IL6R: variants seen among roughly 807,000 people sequenced by gnomAD.
The protein encoded by IL6R is interleukin-6 receptor subunit alpha.
IL6R carries 38 observed loss-of-function variants against 48.3 expected under a neutral mutation model. The observed-to-expected ratio is 0.79, with a 90% CI of 0.61 to 1.03. IL6R has a LOEUF of 1.03. IL6R is among the 50% of genes least tolerant of loss of function. The pLI is 0.00. For synonymous variants in IL6R, 264 were observed against 256.2 expected, an observed-to-expected ratio of 1.03 and a Z score of -0.29; for missense variants, 534 against 618.3, an observed-to-expected ratio of 0.86 and a Z score of 1.45.
At chr1:154,413,769 CTTTTTT>C (rs1266706392) in intron 1 of IL6R, among the ~76,000 whole-genome samples, 1 of 111,752 alleles carries the variant, frequency 8.9e-6, no homozygotes, top group African/African-American at 3.4e-5. Flanking sequence ...TCATACATGA[CTTTTTT>C]TTTTTTTTTT....
chr1:154,420,711 T>C (rs2149220181), intron 1 of IL6R, among the ~76,000 whole-genome samples: 1 of 151,766 alleles, frequency 6.6e-6, no homozygotes, highest in Non-Finnish European at 1.5e-5. Flanking sequence ...AATTTTTGTA[T>C]TTTTAATAGA....
At chr1:154,440,078 T>G (rs1689848539) in intron 6 of IL6R, among the ~76,000 whole-genome samples, 1 of 152,170 alleles carries the variant, frequency 6.6e-6, no homozygotes, top group Middle Eastern at 3.2e-3. Context: ...AATTTTTGTA[T>G]TTTTTGTAGA....
At chr1:154,413,879 G>C (rs1209595275) in intron 1 of IL6R, among the ~76,000 whole-genome samples, 1 of 149,734 alleles carries the variant, frequency 6.7e-6, no homozygotes, top group Non-Finnish European at 1.5e-5. Context: ...GTGTCACCCA[G>C]GCTGGAGTGC....
intron 1 of IL6R, among the ~76,000 whole-genome samples, chr1:154,425,104 G>A (rs998273399): frequency 2.0e-5 from 3 of 152,180 alleles, no homozygotes; most frequent in Non-Finnish European, 2.9e-5. Flanking sequence ...AACCGATTAG[G>A]TCAGGGGTTG....
At chr1:154,448,228 TG>T in intron 7 of IL6R, 57 bp downstream of exon 7, 1 of 1,431,092 alleles carries the variant, frequency 7.0e-7, no homozygotes. Flanking sequence ...TTTAGGAGTG[TG>T]GGCTGATGCC....
intron 1 of IL6R, chr1:154,418,308 C>A: frequency 2.2e-6 from 1 of 455,370 alleles, no homozygotes; most frequent in Non-Finnish European, 2.9e-6. Flanking sequence ...TGGTCACACG[C>A]GCACGTGGGT....
intron 6 of IL6R, among the ~76,000 whole-genome samples, chr1:154,441,287 T>G (rs918512582): frequency 6.6e-6 from 1 of 152,148 alleles, no homozygotes; most frequent in Non-Finnish European, 1.5e-5. Context: ...GATGGTGTGG[T>G]GGGGGCTGTC....
In IL6R at chr1:154,457,086, G is replaced by T. The variant is rs150712150; in HGVS notation, c.1160+2505G>T. Among the ~76,000 whole-genome samples, 39 of 152,138 alleles carry T rather than the reference G, an allele frequency of 2.6e-4. No individual in the cohort carries two copies. In the East Asian group the frequency reaches 6.8e-3, roughly 26 times the overall value. On this transcript the variant is annotated intron_variant, in intron 9 of 9. Coordinates refer to ENST00000368485, the MANE Select transcript of IL6R (RefSeq NM_000565.4). ...GCCTGTAATCCCAACACTTTGGGAG[G>T]CCGAGGCAGGTGGATCACTTCATGT...
intron 1 of IL6R, among the ~76,000 whole-genome samples, chr1:154,416,456 A>G (rs1688359391): frequency 6.6e-6 from 1 of 152,098 alleles, no homozygotes; most frequent in Non-Finnish European, 1.5e-5. Context: ...AGTAAACTTT[A>G]GAGATTAATT....
chr1:154,417,378 C>T (rs1480146136), intron 1 of IL6R, among the ~76,000 whole-genome samples: 1 of 152,172 alleles, frequency 6.6e-6, no homozygotes, highest in Non-Finnish European at 1.5e-5. Flanking sequence ...CTTAAAACAG[C>T]GCTCCTTATC....
rs1689163089 is a variant in IL6R at position 154,429,311 on chromosome 1, A to T, written c.201A>T (p.Ala67=). The T allele has an allele frequency of 6.2e-7, 1 of 1,614,086 alleles. No individual in the cohort carries two copies. The highest frequency in any genetic ancestry group is 8.5e-7 in the Non-Finnish European group (1 of 1,180,008). The part of the protein sequence containing the change: ...TVHWVLRKPA[A]GSHPSRWAGM... ...ACTGGGTGCTCAGGAAGCCGGCTGC[A>T]GGCTCCCACCCCAGCAGATGGGCTG... Residue 67 remains alanine (A), a synonymous_variant, in exon 2 of 10, where the codon GCA becomes GCT. Transcript: ENST00000368485.
intron 1 of IL6R, among the ~76,000 whole-genome samples, chr1:154,425,216 TG>T (rs1339409539): frequency 1.3e-5 from 2 of 152,256 alleles, no homozygotes; most frequent in African/African-American, 4.8e-5. Context: ...AGGCAGAAAT[TG>T]GGCATAAGAC....
intron 6 of IL6R, among the ~76,000 whole-genome samples, chr1:154,446,222 C>T (rs1435603600): frequency 6.6e-6 from 1 of 152,196 alleles, no homozygotes; most frequent in Non-Finnish European, 1.5e-5. Flanking sequence ...ATTCTAGGTT[C>T]AATTCAGGTC....
intron 1 of IL6R, among the ~76,000 whole-genome samples, chr1:154,412,081 G>C (rs191715184): frequency 6.9e-6 from 1 of 145,180 alleles, no homozygotes; most frequent in African/African-American, 2.6e-5. Context: ...CCGAGTAGCT[G>C]GGACTACAGG....
At chr1:154,421,139 C>A (rs1688638265) in intron 1 of IL6R, among the ~76,000 whole-genome samples, 1 of 152,204 alleles carries the variant, frequency 6.6e-6, no homozygotes, top group Non-Finnish European at 1.5e-5. Context: ...TGCTCTTCCT[C>A]CCTCCTGCCT....
rs907353552 is a variant in IL6R at position 154,465,191 on chromosome 1, G to A, written c.1218G>A (p.Pro406=). 26 of 1,614,034 alleles carry A rather than the reference G, an allele frequency of 1.6e-5. No individual in the cohort carries two copies. Among genetic ancestry groups the A allele is most frequent in the South Asian group, 2.2e-5 (2 of 91,084 alleles). The part of the protein sequence containing the change: ...ALKEGKTSMH[P]PYSLGQLVPE... ...AGGAAGGCAAGACAAGCATGCATCC[G>A]CCGTACTCTTTGGGGCAGCTGGTCC... Residue 406 remains proline, a synonymous_variant, in exon 10 of 10, where the codon CCG becomes CCA. Coordinates refer to ENST00000368485, the MANE Select transcript of IL6R (RefSeq NM_000565.4).
At chr1:154,436,159 C>T (rs1388475736) in intron 6 of IL6R, 49 bp downstream of exon 6, 18 of 1,555,910 alleles carry the variant, frequency 1.2e-5, no homozygotes, top group East Asian at 2.3e-5. Flanking sequence ...ACTGTCATTG[C>T]ATCAGGTATC....
chr1:154,429,103 T>C, intron 1 of IL6R, 93 bp from the exon 2 acceptor site: 1 of 1,394,836 alleles, frequency 7.2e-7, no homozygotes, highest in South Asian at 1.3e-5. Context: ...ACTTCATCAT[T>C]ATCACTGAGG....
At chr1:154,437,720 A>C (rs2149248060) in intron 6 of IL6R, among the ~76,000 whole-genome samples, 1 of 148,436 alleles carries the variant, frequency 6.7e-6, no homozygotes, top group East Asian at 2.0e-4. Context: ...CTAAACTTTA[A>C]ATTTTTTTTT....
Sources: gnomAD v4.1 joint callset for allele counts (sites outside exome capture counted in the v4.1 genomes callset) on GRCh38, gnomAD v4.1.1 for gene constraint, MANE v1.5 for transcripts, NCBI Gene and HGNC (gene_info 2026-07-23, HGNC 2026-07-21) for gene names.